The following RLIM variants were observed in gnomAD, a reference collection of about 807,000 sequenced individuals.
RLIM encodes the protein ring finger protein, LIM domain interacting.
In RLIM, 2 loss-of-function variants were observed where a neutral mutation model predicts 34.0. The observed-to-expected ratio is 0.06, with a 90% CI of 0.02 to 0.19. RLIM has a LOEUF of 0.19. Among genes scored for constraint, RLIM ranks in the 10% least tolerant of loss-of-function variants. The probability of loss-of-function intolerance (pLI) is 1.00; values close to 1 mark genes in which losing one functional copy is unlikely to be tolerated. For missense variants in RLIM, 286 were observed against 479.7 expected, an observed-to-expected ratio of 0.60 and a Z score of 3.77; for synonymous variants, 169 against 164.0, an observed-to-expected ratio of 1.03 and a Z score of -0.23.
rs1256970114 is a variant in RLIM at position 74,587,249 on chromosome X, G to A, written c.*4191C>T. ...CTCAATGAATTACAATACTGTTATT[G>A]AATATAAACATACTGAAGAATTAAA... On this transcript the variant is annotated 3_prime_UTR_variant, in exon 4 of 4. Coordinates refer to ENST00000332687, the MANE Select transcript of RLIM (RefSeq NM_016120.4). 1 of 111,029 alleles carries A rather than the reference G, an allele frequency of 9.0e-6. No individual in the cohort carries two copies. Among genetic ancestry groups the A allele is most frequent in the African/African-American group, 3.3e-5 (1 of 30,526 alleles). 9.2% of individuals were successfully genotyped at this position (111,029 alleles called of 1,213,427 possible). A position where few individuals can be genotyped will look rare whatever the true frequency, so the allele number is the denominator to read the frequency against.
intron 1 of RLIM, among the ~76,000 whole-genome samples, chrX:74,611,998 G>A (rs1158083417): frequency 8.9e-6 from 1 of 111,859 alleles, no homozygotes; most frequent in African/African-American, 3.2e-5. Context: ...GTTTGCACCT[G>A]CTGTCCAGGA....
At chrX:74,611,282 C>A (rs1171614118) in intron 1 of RLIM, among the ~76,000 whole-genome samples, 2 of 111,659 alleles carry the variant, frequency 1.8e-5, no homozygotes, top group Middle Eastern at 4.6e-3. Context: ...TATTTCTAAT[C>A]CACCATGGCC....
chrX:74,584,777 G>A lies in RLIM; in HGVS notation c.*6663C>T, dbSNP rs1931306225. Among the ~76,000 whole-genome samples, 1 of 111,684 alleles carries A rather than the reference G, an allele frequency of 9.0e-6. No individual in the cohort carries two copies. The highest frequency in any genetic ancestry group is 3.3e-5 in the African/African-American group (1 of 30,671). On this transcript the variant is annotated 3_prime_UTR_variant, in exon 4 of 4. Transcript: ENST00000332687. The stretch of plus-strand genomic sequence containing the variant: ...TGGATCCTTTTCACTGACCTAAGAT[G>A]CCTGTGCTTTGGCTTCATTGTCTAG...
rs749934819 is a variant in RLIM at position 74,586,543 on chromosome X, C to G, written c.*4897G>C. On this transcript the variant is annotated 3_prime_UTR_variant, in exon 4 of 4. Transcript: ENST00000332687. ...GATCAAGACATGAGAATTATAAAAC[C>G]GATACAAACTGTTCTGTGATTATCA... 1 of 112,054 alleles carries G rather than the reference C, an allele frequency of 8.9e-6. No individual in the cohort carries two copies. Among genetic ancestry groups the G allele is most frequent in the African/African-American group, 3.2e-5 (1 of 30,848 alleles). The allele number at this position is 112,054 out of a possible 1,213,427, so 9.2% of individuals were successfully genotyped here. A position where few individuals can be genotyped will look rare whatever the true frequency, so the allele number is the denominator to read the frequency against.
At chrX:74,596,260 T>G (rs988813014) in intron 1 of RLIM, among the ~76,000 whole-genome samples, 15 of 112,408 alleles carry the variant, frequency 1.3e-4, no homozygotes, top group African/African-American at 4.5e-4. Flanking sequence ...ATTTTTTGTT[T>G]TTTGAGATGG....
chrX:74,601,510 A>G (rs562693081), intron 1 of RLIM, among the ~76,000 whole-genome samples: 2 of 111,628 alleles, frequency 1.8e-5, no homozygotes, highest in South Asian at 7.6e-4. Flanking sequence ...CAACTTAAAA[A>G]AATACAAACC....
Position 74,603,901 on chromosome X carries a change from AG to A in RLIM, c.-23-7902del. On this transcript the variant is annotated intron_variant, in intron 1 of 3. Transcript: ENST00000332687. ...GAGGTGGGCGGATCACAAGGTCAGG[AG>A]TTCTGAGACCAGACTGGCCAACATA... is the stretch of plus-strand genomic sequence containing the variant. 1.8e-5 allele frequency among the ~76,000 whole-genome samples: 2 copies of A among 111,020 alleles called. 1 individual carries two copies. The highest frequency in any genetic ancestry group is 9.2e-3 in the Middle Eastern group (2 of 218).
At chrX:74,610,057 G>A (rs2079702060) in intron 1 of RLIM, among the ~76,000 whole-genome samples, 2 of 112,435 alleles carry the variant, frequency 1.8e-5, no homozygotes, top group Non-Finnish European at 1.9e-5. Flanking sequence ...TGCACCAAGT[G>A]CTCTCTGCCT....
At chrX:74,596,448 G>A (rs951285118) in intron 1 of RLIM, among the ~76,000 whole-genome samples, 1 of 111,466 alleles carries the variant, frequency 9.0e-6, no homozygotes, top group Non-Finnish European at 1.9e-5. Flanking sequence ...GTTTCACCAT[G>A]TTGGCCCAAT....
chrX:74,594,448 A>G (rs2079630437), intron 2 of RLIM, 59 bp from the exon 3 acceptor site: 1 of 713,514 alleles, frequency 1.4e-6, no homozygotes, highest in African/African-American at 2.2e-5. Flanking sequence ...CAAATACTTT[A>G]TCAGTGACTC....
At position 74,583,857 on chromosome X, in the gene RLIM, C is replaced by T. The variant is rs1267026445; in HGVS notation, c.*7583G>A. ...GATCAGGGGTTCAAGACCAGCCTGG[C>T]CAACATGGTGAAACCCTGTCTCTAC... is the stretch of plus-strand genomic sequence containing the variant. On this transcript the variant is annotated 3_prime_UTR_variant, in exon 4 of 4. Transcript: ENST00000332687. Among the ~76,000 whole-genome samples, 1 of 111,124 alleles carries T rather than the reference C, an allele frequency of 9.0e-6. No individual in the cohort carries two copies. Among genetic ancestry groups the T allele is most frequent in the African/African-American group, 3.3e-5 (1 of 30,501 alleles).
rs1223516530 is a variant in RLIM, at chrX:74,597,137, T to C, written c.-23-1137A>G. Among the ~76,000 whole-genome samples, 4 of 112,098 alleles carry C rather than the reference T, an allele frequency of 3.6e-5. No individual in the cohort carries two copies. The Admixed American group carries it at 3.8e-4, about 11-fold the overall frequency. ...CACAAAAATAAAAATGAGGCTTCAA[T>C]CAAAGTAAATTTCCCAGGGGCTCAT... is the stretch of plus-strand genomic sequence containing the variant. On this transcript the variant is annotated intron_variant, in intron 1 of 3. Transcript: ENST00000332687.
chrX:74,587,122 G>T lies in RLIM; in HGVS notation c.*4318C>A, dbSNP rs747240080. ...AATAAAATAAAATAAAAATAAATAA[G>T]TGACATACTAGTTCCTCGGATCTTT... On this transcript the variant is annotated 3_prime_UTR_variant, in exon 4 of 4. Coordinates refer to ENST00000332687, the MANE Select transcript of RLIM (RefSeq NM_016120.4). The T allele has an allele frequency of 8.9e-6, 1 of 111,774 alleles. No homozygotes were observed. The highest frequency in any genetic ancestry group is 3.2e-5 in the African/African-American group (1 of 30,811). The allele number at this position is 111,774 out of a possible 1,213,427, so 9.2% of individuals were successfully genotyped here.
rs145433217 is a variant in RLIM at position 74,587,998 on chromosome X, C to G, written c.*3442G>C. 3.6e-5 allele frequency: 4 copies of G among 112,524 alleles called. No individual in the cohort carries two copies. The highest frequency in any genetic ancestry group is 1.3e-4 in the African/African-American group (4 of 31,006). 9.3% of individuals were successfully genotyped at this position (112,524 alleles called of 1,213,427 possible). ...CTGTACAATTACCTACATTCCAACACTAATGTGAACACTTTTCTCAATCCC... is the reference window on the plus strand; with the variant it reads ...CTGTACAATTACCTACATTCCAACAGTAATGTGAACACTTTTCTCAATCCC... On this transcript the variant is annotated 3_prime_UTR_variant, in exon 4 of 4. Transcript: ENST00000332687.
Position 74,583,736 on chromosome X carries a change from C to CAAAAAACA in RLIM, c.*7696_*7703dup, listed in dbSNP as rs1370293267. On this transcript the variant is annotated 3_prime_UTR_variant, in exon 4 of 4. Coordinates refer to ENST00000332687, the MANE Select transcript of RLIM (RefSeq NM_016120.4). ...TTACAGTATATTACCATTAATCCTCCAAAAAACAAAAAAACAAAAAACAAT... is the reference window on the plus strand; with the variant it reads ...TTACAGTATATTACCATTAATCCTCCAAAAAACAAAAAAACAAAAAAACAAAAAACAAT... 4.5e-5 allele frequency among the ~76,000 whole-genome samples: 5 copies of CAAAAAACA among 111,289 alleles called. No individual in the cohort carries two copies. Among genetic ancestry groups the CAAAAAACA allele is most frequent in the Non-Finnish European group, 9.4e-5 (5 of 53,026 alleles).
intron 1 of RLIM, among the ~76,000 whole-genome samples, chrX:74,599,920 A>G (rs905427457): frequency 1.8e-5 from 2 of 111,253 alleles, no homozygotes; most frequent in African/African-American, 6.5e-5. Context: ...AGAGAGAAAA[A>G]TAAGTCAAGT....
intron 1 of RLIM, among the ~76,000 whole-genome samples, chrX:74,609,935 C>T (rs973579697): frequency 2.7e-5 from 3 of 112,048 alleles, no homozygotes; most frequent in Admixed American, 9.5e-5. Flanking sequence ...TCCTTTCTCC[C>T]AGGAAGTAAC....
At chrX:74,610,262 CAA>C (rs1323440028) in intron 1 of RLIM, among the ~76,000 whole-genome samples, 4 of 110,951 alleles carry the variant, frequency 3.6e-5, no homozygotes, top group Non-Finnish European at 7.6e-5. Flanking sequence ...AGTAAAAATA[CAA>C]AAGTTAGCCA....
At chrX:74,600,423 G>GA (rs917976924) in intron 1 of RLIM, among the ~76,000 whole-genome samples, 3 of 108,678 alleles carry the variant, frequency 2.8e-5, no homozygotes, top group South Asian at 3.9e-4. Flanking sequence ...AAGCACAAAG[G>GA]AAAAAAAAAG....
Sources: allele counts gnomAD v4.1 joint callset (sites outside exome capture counted in the v4.1 genomes callset), GRCh38; gene constraint gnomAD v4.1.1; transcripts MANE v1.5; gene names NCBI Gene and HGNC (gene_info 2026-07-23, HGNC 2026-07-21).